DLG5: variants seen among roughly 807,000 people sequenced by gnomAD.
The protein encoded by DLG5 is discs large MAGUK scaffold protein 5.
DLG5 carries 48 observed loss-of-function variants against 189.8 expected under a neutral mutation model. The ratio of observed to expected loss-of-function variants is 0.25; its 90% CI spans 0.20 to 0.32. The LOEUF is 0.32. DLG5 is among the 10% of genes least tolerant of loss of function. The probability of loss-of-function intolerance (pLI) is 1.00; values close to 1 mark genes in which losing one functional copy is unlikely to be tolerated. For synonymous variants in DLG5, 1,016 were observed against 1,054.1 expected (o/e 0.96, Z 0.70); for missense variants, 2,160 against 2,544.7 (o/e 0.85, Z 3.25).
At chr10:77,833,791 G>A in intron 9 of DLG5, 123 bp downstream of exon 9, 1 of 1,408,900 alleles carries the variant, frequency 7.1e-7, no homozygotes, top group South Asian at 1.3e-5. Context: ...GGGACAAACA[G>A]CCAGCTCGAC....
At chr10:77,823,530 CT>C (rs55870292) in intron 14 of DLG5, among the ~76,000 whole-genome samples, 1,722 of 135,116 alleles carry the variant, frequency 0.013, 7 homozygotes, top group Non-Finnish European at 0.017. Context: ...ACTTCCCTTC[CT>C]TTTTTTTTTT....
In DLG5 at chr10:77,806,780, C is replaced by T. The variant is rs1474755701; in HGVS notation, c.4945G>A (p.Gly1649Arg). ...LDENAQKIQRGQIPSKYVMDQ... is the reference protein window; with the variant it reads ...LDENAQKIQRRQIPSKYVMDQ... ...TACACATATTTGCTGGGAATCTGCC[C>T]GCGCTGGATCTTCTGGGCATTCTCG... is the stretch of plus-strand genomic sequence containing the variant. Residue 1649 changes from glycine to arginine, a missense_variant, in exon 26 of 32, where the codon GGG becomes AGG. Around this residue, in one of 5 missense-constraint regions of DLG5, gnomAD observed 574 missense variants for 644.2 expected, o/e 0.89. Transcript: ENST00000372391. 5.0e-6 allele frequency: 8 copies of T among 1,613,058 alleles called. No homozygotes were observed. In the African/African-American group the frequency reaches 6.7e-5, roughly 13 times the overall value.
chr10:77,877,489 C>G (rs948712585), intron 1 of DLG5, among the ~76,000 whole-genome samples: 8 of 152,186 alleles, frequency 5.3e-5, no homozygotes, highest in Non-Finnish European at 1.2e-4. Flanking sequence ...GAGCACAAAG[C>G]CTGTGTCTGA....
intron 2 of DLG5, among the ~76,000 whole-genome samples, chr10:77,864,741 C>T (rs915141013): frequency 6.6e-6 from 1 of 152,244 alleles, no homozygotes; most frequent in African/African-American, 2.4e-5. Context: ...TATCCAGCAG[C>T]CACTGCCTTT....
chr10:77,872,703 G>A (rs1450969859), intron 1 of DLG5, among the ~76,000 whole-genome samples: 1 of 152,160 alleles, frequency 6.6e-6, no homozygotes, highest in Non-Finnish European at 1.5e-5. Flanking sequence ...GGCAAAAGAA[G>A]CCACTGTCCC....
intron 24 of DLG5, 147 bp from the exon 25 acceptor site, chr10:77,808,091 T>G (rs1841570321): frequency 1.0e-6 from 1 of 960,408 alleles, no homozygotes; most frequent in Admixed American, 2.5e-5. Context: ...CAGGAAGGAC[T>G]GAGTCTTCAT....
intron 1 of DLG5, among the ~76,000 whole-genome samples, chr10:77,917,838 C>T (rs1182146738): frequency 6.6e-6 from 1 of 151,466 alleles, no homozygotes; most frequent in Non-Finnish European, 1.5e-5. Flanking sequence ...ACCAGCCTGG[C>T]CAACGTGGTG....
chr10:77,791,219 A>G lies in DLG5; in HGVS notation c.*1221T>C, dbSNP rs918436547. 6 of 152,614 alleles carry G rather than the reference A, an allele frequency of 3.9e-5. No homozygotes were observed. Among genetic ancestry groups the G allele is most frequent in the Non-Finnish European group, 8.8e-5 (6 of 68,034 alleles). 9.5% of individuals were successfully genotyped at this position (152,614 alleles called of 1,614,324 possible). On this transcript the variant is annotated 3_prime_UTR_variant, in exon 32 of 32. Transcript: ENST00000372391. The stretch of plus-strand genomic sequence containing the variant: ...AATGAAATGTTAGGAACAGTATTAA[A>G]ATATAGGTCCTACCCCAACGACACT...
At chr10:77,803,039 G>A (rs923596532) in intron 27 of DLG5, among the ~76,000 whole-genome samples, 2 of 152,224 alleles carry the variant, frequency 1.3e-5, no homozygotes, top group Non-Finnish European at 2.9e-5. Context: ...AGTCAAAGGT[G>A]CACACTGTGA....
chr10:77,823,823 C>T (rs976198421), intron 14 of DLG5, among the ~76,000 whole-genome samples: 1 of 152,128 alleles, frequency 6.6e-6, no homozygotes, highest in African/African-American at 2.4e-5. Flanking sequence ...TTGCACCCAG[C>T]TTCTTCCTTT....
intron 20 of DLG5, among the ~76,000 whole-genome samples, chr10:77,814,847 C>A (rs1366524484): frequency 6.6e-6 from 1 of 152,070 alleles, no homozygotes; most frequent in Non-Finnish European, 1.5e-5. Flanking sequence ...CAGGTGTGAA[C>A]CACAGCACTC....
intron 3 of DLG5, among the ~76,000 whole-genome samples, chr10:77,855,987 C>T (rs1311065268): frequency 6.6e-6 from 1 of 152,148 alleles, no homozygotes; most frequent in Non-Finnish European, 1.5e-5. Flanking sequence ...TAAATCACAA[C>T]AAAAGCAGCA....
At chr10:77,815,873 AAC>A (rs751972702) in intron 20 of DLG5, among the ~76,000 whole-genome samples, 7 of 152,344 alleles carry the variant, frequency 4.6e-5, no homozygotes, top group Middle Eastern at 3.4e-3. Context: ...CTAGGGGAAC[AAC>A]AGAGAGGGAT....
In DLG5 at chr10:77,793,991, G is replaced by A. The variant is rs201976622; in HGVS notation, c.5656+17C>T. On this transcript the variant is annotated intron_variant, in intron 31 of 31. Transcript: ENST00000372391. ...TCCCTGCTGCCTGCTCCCCACTCCA[G>A]GCCCACGCACACCTACCTGTGAAGT... The A allele has an allele frequency of 2.5e-5, 40 of 1,609,306 alleles. No homozygotes were observed. In the East Asian group the frequency reaches 8.2e-4, roughly 33 times the overall value.
chr10:77,910,519 C>T (rs1423390944), intron 1 of DLG5, among the ~76,000 whole-genome samples: 2 of 152,156 alleles, frequency 1.3e-5, no homozygotes, highest in Non-Finnish European at 1.5e-5. Context: ...AAACTAGCCA[C>T]GGATCTGAGA....
At chr10:77,806,997 G>A (rs1191885267) in intron 25 of DLG5, 69 bp from the exon 26 acceptor site, 2 of 1,553,854 alleles carry the variant, frequency 1.3e-6, no homozygotes, top group Non-Finnish European at 1.8e-6. Flanking sequence ...GGTGCCTTCT[G>A]TGGCCAGGCC....
At chr10:77,816,125 A>G (rs1271902376) in intron 20 of DLG5, 2 of 482,200 alleles carry the variant, frequency 4.1e-6, no homozygotes, top group Non-Finnish European at 8.2e-6. Context: ...CCAGCCACTA[A>G]CCACGTGGCC....
rs552515933 is a variant in DLG5, at chr10:77,839,010, A to G, written c.1437+2871T>C. 2.0e-5 allele frequency among the ~76,000 whole-genome samples: 3 copies of G among 152,366 alleles called. No individual in the cohort carries two copies. In the South Asian group the frequency reaches 6.2e-4, roughly 32 times the overall value. On this transcript the variant is annotated intron_variant, in intron 7 of 31. Transcript: ENST00000372391. Reference sequence around the variant, plus strand: ...GACAGGTGCACTTGATGCCCAGTCAACACCCCCTGTGGAGGATGGAGGCGG... The same window carrying G: ...GACAGGTGCACTTGATGCCCAGTCAGCACCCCCTGTGGAGGATGGAGGCGG...
At chr10:77,832,900 C>T (rs949054622) in intron 9 of DLG5, among the ~76,000 whole-genome samples, 2 of 152,156 alleles carry the variant, frequency 1.3e-5, no homozygotes, top group Non-Finnish European at 1.5e-5. Flanking sequence ...CACCCAAGCT[C>T]CAGAGAGTCT....
Sources: allele counts gnomAD v4.1 joint callset (sites outside exome capture counted in the v4.1 genomes callset), GRCh38; gene constraint gnomAD v4.1.1; regional missense constraint gnomAD v4.1.1; transcripts MANE v1.5; gene names NCBI Gene and HGNC (gene_info 2026-07-23, HGNC 2026-07-21).